Variants in ANKRD11 observed in about 807,000 individuals in gnomAD.
ANKRD11 encodes ankyrin repeat domain 11.
In ANKRD11, 17 loss-of-function variants were observed where a neutral mutation model predicts 195.7. That is an observed-to-expected ratio of 0.09 (90% confidence interval 0.06 to 0.13). The LOEUF (loss-of-function observed/expected upper bound fraction) is 0.13. Ranked by LOEUF, ANKRD11 falls within the 10% of genes least tolerant of loss-of-function variation. The pLI, the probability that ANKRD11 is intolerant of heterozygous loss-of-function variation, is 1.00. For missense variants in ANKRD11, 3,735 were observed against 3,566.1 expected (o/e 1.05, Z -1.21); for synonymous variants, 1,953 against 1,528.1 (o/e 1.28, Z -6.49).
intron 2 of ANKRD11, among the ~76,000 whole-genome samples, chr16:89,326,562 GA>G (rs1382239212): frequency 1.3e-5 from 2 of 152,080 alleles, no homozygotes; most frequent in Non-Finnish European, 2.9e-5. Context: ...GCAATGTAGG[GA>G]AACCTCATCT....
intron 1 of ANKRD11, among the ~76,000 whole-genome samples, chr16:89,459,992 T>C (rs1338751638): frequency 2.0e-5 from 3 of 151,722 alleles, no homozygotes; most frequent in Admixed American, 2.0e-4. Context: ...TCCCAGCACT[T>C]TGAGAGGCTG....
intron 1 of ANKRD11, among the ~76,000 whole-genome samples, chr16:89,433,911 G>A (rs772219199): frequency 6.6e-6 from 1 of 152,190 alleles, no homozygotes; most frequent in Non-Finnish European, 1.5e-5. Context: ...CAGCTACATC[G>A]ACATCTGGTA....
intron 1 of ANKRD11, among the ~76,000 whole-genome samples, chr16:89,447,940 G>T (rs987164232): frequency 6.6e-6 from 1 of 151,912 alleles, no homozygotes; most frequent in African/African-American, 2.4e-5. Context: ...AGGTAGCTGG[G>T]ACTACAGGCG....
chr16:89,411,170 C>A (rs1458666378), intron 2 of ANKRD11, among the ~76,000 whole-genome samples: 2 of 152,268 alleles, frequency 1.3e-5, no homozygotes, highest in African/African-American at 2.4e-5. Flanking sequence ...CTGTCCACAC[C>A]CAGGGCCACG....
intron 2 of ANKRD11, among the ~76,000 whole-genome samples, chr16:89,368,371 GTTTTTTTTTTTTTTTT>G (rs71134210): frequency 0.011 from 599 of 56,618 alleles, 10 homozygotes; most frequent in Middle Eastern, 0.041. Flanking sequence ...TAATTTTTGT[GTTTTTTTTTTTTTTTT>G]TTTTTTTTTT....
At chr16:89,450,627 C>CATTCCTAA (rs1175178719) in intron 1 of ANKRD11, among the ~76,000 whole-genome samples, 6 of 152,160 alleles carry the variant, frequency 3.9e-5, no homozygotes, top group Non-Finnish European at 8.8e-5. Context: ...GCTATGCATA[C>CATTCCTAA]ATTCCTAAAC....
intron 2 of ANKRD11, among the ~76,000 whole-genome samples, chr16:89,347,682 G>A (rs575538929): frequency 9.9e-5 from 15 of 151,360 alleles, no homozygotes; most frequent in African/African-American, 2.9e-4. Context: ...TCTCCTTATC[G>A]GTTTTTCCTA....
chr16:89,291,824 C>G lies in ANKRD11; in HGVS notation c.227-641G>C, dbSNP rs527837226. ...ACTAACAAGACACGGTGTGAGAGCT[C>G]GGCTGTTTCCACCTCAGCCTCCTCG... On this transcript the variant is annotated intron_variant, in intron 4 of 12. Coordinates refer to ENST00000301030, the MANE Select transcript of ANKRD11 (RefSeq NM_013275.6). The surrounding 1 kb of genome is among the most constrained non-coding windows in gnomAD (Gnocchi z 5.3). 8.0e-7 allele frequency: 1 copy of G among 1,254,038 alleles called. No homozygotes were observed. Among genetic ancestry groups the G allele is most frequent in the Admixed American group, 2.3e-5 (1 of 43,496 alleles). 77.7% of individuals were successfully genotyped at this position (1,254,038 alleles called of 1,614,324 possible). A position where few individuals can be genotyped will look rare whatever the true frequency, so the allele number is the denominator to read the frequency against.
Position 89,285,355 on chromosome 16 carries a change from G to C in ANKRD11, c.1187C>G (p.Thr396Arg), listed in dbSNP as rs145699896. Residue 396 changes from threonine to arginine, a missense_variant, in exon 9 of 13, where the codon ACG becomes AGG. Transcript: ENST00000301030. The surrounding 1 kb of genome is among the most constrained non-coding windows in gnomAD (Gnocchi z 5.6). ...MEVKSYTKNN[T>R]IAPKKASHRI... ...ATGGGACGCTTTCTTTGGTGCAATC[G>C]TGTTATTTTTAGTGTAACTTTTAAC... is the stretch of plus-strand genomic sequence containing the variant. 5 of 1,613,932 alleles carry C rather than the reference G, an allele frequency of 3.1e-6. No homozygotes were observed. The African/African-American group carries it at 6.7e-5, about 22-fold the overall frequency.
rs972666296 is a variant in ANKRD11, at chr16:89,415,961, T to C, written c.-60+2323A>G. Among the ~76,000 whole-genome samples the C allele has an allele frequency of 3.9e-5, 6 of 152,070 alleles. No homozygotes were observed. The East Asian group carries it at 1.2e-3, about 29-fold the overall frequency. ...ACCTCTGCTCAGCAGGGCCTCTCTG[T>C]AGCAACACTGCAGTCTCCCTGATGG... On this transcript the variant is annotated intron_variant, in intron 2 of 12. Transcript: ENST00000301030.
chr16:89,412,990 C>A (rs534354827), intron 2 of ANKRD11, among the ~76,000 whole-genome samples: 13 of 152,268 alleles, frequency 8.5e-5, no homozygotes, highest in South Asian at 8.3e-4. Context: ...ACAGCCAGAG[C>A]TCCCAATGGG....
rs188535697 is a variant in ANKRD11, at chr16:89,366,480, G to A, written c.-59-49402C>T. The stretch of plus-strand genomic sequence containing the variant: ...AGTGCTCCCTTTAATCCACAGACTC[G>A]CCAGCATCTGTTATTTTTTAACCTT... On this transcript the variant is annotated intron_variant, in intron 2 of 12. Transcript: ENST00000301030. Among the ~76,000 whole-genome samples the A allele has an allele frequency of 3.3e-5, 5 of 152,070 alleles. 1 individual carries two copies. Among genetic ancestry groups the A allele is most frequent in the African/African-American group, 1.2e-4 (5 of 41,402 alleles).
intron 2 of ANKRD11, among the ~76,000 whole-genome samples, chr16:89,347,942 C>CTT (rs993295659): frequency 3.4e-5 from 5 of 146,536 alleles, no homozygotes; most frequent in African/African-American, 1.0e-4. Flanking sequence ...GGGATTTTGT[C>CTT]TTTTTTTTTT....
chr16:89,346,608 A>G (rs1470558719), intron 2 of ANKRD11, among the ~76,000 whole-genome samples: 1 of 152,210 alleles, frequency 6.6e-6, no homozygotes, highest in Non-Finnish European at 1.5e-5. Context: ...CACAGCCTTC[A>G]ATCTGGGAAT....
At chr16:89,379,269 C>G (rs773659517) in intron 2 of ANKRD11, among the ~76,000 whole-genome samples, 37 of 152,206 alleles carry the variant, frequency 2.4e-4, no homozygotes, top group Non-Finnish European at 5.0e-4. Flanking sequence ...ATCTTGAAAA[C>G]TTAGGGCTTT....
At chr16:89,479,333 T>C (rs1253524206) in intron 1 of ANKRD11, among the ~76,000 whole-genome samples, 1 of 151,818 alleles carries the variant, frequency 6.6e-6, no homozygotes, top group Non-Finnish European at 1.5e-5. Flanking sequence ...ACATGTGACC[T>C]GATATAAAAA....
rs530644069 is a variant in ANKRD11 at position 89,336,411 on chromosome 16, A to G, written c.-59-19333T>C. Among the ~76,000 whole-genome samples the G allele has an allele frequency of 5.3e-5, 8 of 152,344 alleles. No homozygotes were observed. The East Asian group carries it at 1.5e-3, about 29-fold the overall frequency. On this transcript the variant is annotated intron_variant, in intron 2 of 12. Transcript: ENST00000301030. ...GGATTCAAAGACCCAGGAAGGAAGG[A>G]GTCTGTTTGCTGTGGGCTTCTGTGG...
At chr16:89,288,809 AG>A in intron 6 of ANKRD11, 139 bp from the exon 7 acceptor site, 2 of 1,193,078 alleles carry the variant, frequency 1.7e-6, no homozygotes, top group Non-Finnish European at 2.4e-6. Flanking sequence ...GCTGCAGTTT[AG>A]GGAAGCAGGT....
intron 1 of ANKRD11, among the ~76,000 whole-genome samples, chr16:89,426,786 T>C (rs2042735015): frequency 6.6e-6 from 1 of 152,218 alleles, no homozygotes; most frequent in African/African-American, 2.4e-5. Flanking sequence ...ATCGGCGTCA[T>C]GGACACTGGG....
Sources: allele counts gnomAD v4.1 joint callset (sites outside exome capture counted in the v4.1 genomes callset), GRCh38; gene constraint gnomAD v4.1.1; non-coding constraint Gnocchi (gnomAD v3.1); transcripts MANE v1.5; gene names NCBI Gene and HGNC (gene_info 2026-07-23, HGNC 2026-07-21).